The following ACVR2B variants were observed in gnomAD, a reference collection of about 807,000 sequenced individuals.
ACVR2B encodes activin receptor type-2B.
ACVR2B carries 18 observed loss-of-function variants against 65.1 expected under a neutral mutation model. That is an observed-to-expected ratio of 0.28 (90% CI 0.19 to 0.41). The LOEUF is 0.41. ACVR2B is among the 10% of genes least tolerant of loss of function. The pLI is 1.00. For missense variants in ACVR2B, 482 were observed against 682.7 expected (o/e 0.71, Z 3.28); for synonymous variants, 298 against 277.7 (o/e 1.07, Z -0.73).
chr3:38,482,135 A>T, intron 8 of ACVR2B, 63 bp from the exon 9 acceptor site: 1 of 1,610,240 alleles, frequency 6.2e-7, no homozygotes, highest in Non-Finnish European at 8.5e-7. Flanking sequence ...TGTAACTCCC[A>T]TGTCCCAGCT....
rs746700272 is a variant in ACVR2B, at chr3:38,478,556, CCA to C, written c.666+40_666+41del. 15 of 1,613,660 alleles carry C rather than the reference CCA, an allele frequency of 9.3e-6. No individual in the cohort carries two copies. The East Asian group carries it at 2.9e-4, about 31-fold the overall frequency. On this transcript the variant is annotated intron_variant, in intron 5 of 10. Transcript: ENST00000352511. ...GGGGCTCCATCCAGGTCCTCTGCCT[CCA>C]CTGTAGCTTGAACTGGAGGCTCTCC...
intron 8 of ACVR2B, 85 bp from the exon 9 acceptor site, chr3:38,482,113 G>C: frequency 6.3e-7 from 1 of 1,592,148 alleles, no homozygotes; most frequent in South Asian, 1.1e-5. Context: ...CCGCCATCTG[G>C]TGCACAGAGG....
rs1710195312 is a variant in ACVR2B at position 38,490,660 on chromosome 3, C to G, written c.*7328C>G. 1 of 152,558 alleles carries G rather than the reference C, an allele frequency of 6.6e-6. No individual in the cohort carries two copies. Among genetic ancestry groups the G allele is most frequent in the African/African-American group, 2.4e-5 (1 of 41,424 alleles). 9.5% of individuals were successfully genotyped at this position (152,558 alleles called of 1,614,324 possible). Reference sequence around the variant, plus strand: ...CCAGCCCTAATTTCTGGATGCACTTCTGTGATCCAGGTATTTTAAGAACCA... The same window carrying G: ...CCAGCCCTAATTTCTGGATGCACTTGTGTGATCCAGGTATTTTAAGAACCA... On this transcript the variant is annotated 3_prime_UTR_variant, in exon 11 of 11. Transcript: ENST00000352511.
rs1269240824 is a variant in ACVR2B, at chr3:38,483,264, G to A, written c.1471G>A (p.Asp491Asn). Residue 491 changes from aspartate (D) to asparagine (N), a missense_variant, in exon 11 of 11, where the codon GAC becomes AAC. Asp to Asn is a conservative substitution (Grantham distance 23). Around this residue, in one of 5 missense-constraint regions of ACVR2B, gnomAD observed 38 missense variants for 29.3 expected, o/e 1.30. Coordinates refer to ENST00000352511, the MANE Select transcript of ACVR2B (RefSeq NM_001106.4). This position sits in a 1 kb window ranked among gnomAD's most constrained non-coding sequence, Gnocchi z 4.8. ...GAGGTCGGTCAACGGCACTACCTCG[G>A]ACTGTCTCGTTTCCCTGGTGACCTC... ...IRRSVNGTTS[D>N]CLVSLVTSVT... 6.2e-7 allele frequency: 1 copy of A among 1,614,056 alleles called. No individual in the cohort carries two copies. Among genetic ancestry groups the A allele is most frequent in the East Asian group, 2.2e-5 (1 of 44,868 alleles).
intron 1 of ACVR2B, among the ~76,000 whole-genome samples, chr3:38,470,775 T>G (rs1467017298): frequency 6.6e-6 from 1 of 152,226 alleles, no homozygotes; most frequent in Non-Finnish European, 1.5e-5. Context: ...GATGTTGATT[T>G]AGGCTTTTAG....
intron 1 of ACVR2B, among the ~76,000 whole-genome samples, chr3:38,462,584 C>T (rs1559646849): frequency 6.6e-6 from 1 of 152,234 alleles, no homozygotes; most frequent in African/African-American, 2.4e-5. Flanking sequence ...ATGTTTGTGA[C>T]TTTAAGCTAT....
chr3:38,464,483 C>G (rs1277294778), intron 1 of ACVR2B, among the ~76,000 whole-genome samples: 1 of 152,194 alleles, frequency 6.6e-6, no homozygotes, highest in Non-Finnish European at 1.5e-5. Context: ...TAAAACTTCT[C>G]TGGTTGAAGG....
intron 1 of ACVR2B, among the ~76,000 whole-genome samples, chr3:38,455,161 G>T (rs954693301): frequency 3.3e-5 from 5 of 152,166 alleles, no homozygotes; most frequent in South Asian, 4.1e-4. Flanking sequence ...TTGGGGGTAT[G>T]TGGGCGCGGG....
Position 38,478,301 on chromosome 3 carries a change from G to A in ACVR2B, c.522+9G>A. ...ATGTGGACATCCATGAGGTGAGACAGTGCTGGCTTGGGGCAGGGCAGGATA... is the reference window on the plus strand; with the variant it reads ...ATGTGGACATCCATGAGGTGAGACAATGCTGGCTTGGGGCAGGGCAGGATA... On this transcript the variant is annotated intron_variant, in intron 4 of 10. Transcript: ENST00000352511. 1 of 1,614,068 alleles carries A rather than the reference G, an allele frequency of 6.2e-7. No individual in the cohort carries two copies. The highest frequency in any genetic ancestry group is 8.5e-7 in the Non-Finnish European group (1 of 1,180,018).
intron 1 of ACVR2B, among the ~76,000 whole-genome samples, chr3:38,455,997 A>G (rs922064089): frequency 4.6e-5 from 7 of 152,104 alleles, no homozygotes; most frequent in African/African-American, 1.7e-4. Context: ...GGACAGCTTG[A>G]GACCTGGGAT....
chr3:38,456,937 T>A (rs531638786), intron 1 of ACVR2B, among the ~76,000 whole-genome samples: 1 of 152,238 alleles, frequency 6.6e-6, no homozygotes, highest in South Asian at 2.1e-4. Context: ...CCTGGCACAG[T>A]GGCTCATGCC....
At chr3:38,454,506 C>A in intron 1 of ACVR2B, 132 bp downstream of exon 1, 1 of 837,028 alleles carries the variant, frequency 1.2e-6, no homozygotes, top group Non-Finnish European at 1.6e-6. Context: ...CCCTCACCTC[C>A]GGGGGCGTGG....
At chr3:38,479,920 C>A (rs1162743063) in intron 7 of ACVR2B, 94 bp downstream of exon 7, 1 of 1,475,492 alleles carries the variant, frequency 6.8e-7, no homozygotes, top group African/African-American at 1.4e-5. Flanking sequence ...TCTCAACTTC[C>A]TAAACATACT....
At position 38,478,133 on chromosome 3, in the gene ACVR2B, T is replaced by C. The variant is rs765400502; in HGVS notation, c.371-8T>C. 3.7e-6 allele frequency: 6 copies of C among 1,610,980 alleles called. No individual in the cohort carries two copies. The Admixed American group carries it at 8.3e-5, about 22-fold the overall frequency. On this transcript the variant is annotated splice_polypyrimidine_tract_variant and splice_region_variant and intron_variant, in intron 3 of 10. Transcript: ENST00000352511. ...ACTGTTTGACACAGGGCTCTGTGTG[T>C]CCCCCAGTCACGTACGAGCCACCCC...
In ACVR2B at chr3:38,454,374, G is replaced by T; in HGVS notation, c.52G>T (p.Gly18Cys). Residue 18 changes from glycine (G) to cysteine (C), a missense_variant and splice_region_variant, in exon 1 of 11, where the codon GGC becomes TGC. Transcript: ENST00000352511. The stretch of plus-strand genomic sequence containing the variant: ...CCTCCTCTGGGGATCGCTGTGCGCC[G>T]GTAAGAACTGGGCGCGGCGCGGGGA... ...LALLWGSLCA[G>C]SGRGEAETRE... 7.9e-7 allele frequency: 1 copy of T among 1,265,234 alleles called. No individual in the cohort carries two copies. Among genetic ancestry groups the T allele is most frequent in the Middle Eastern group, 3.0e-4 (1 of 3,338 alleles). The allele number at this position is 1,265,234 out of a possible 1,614,324, so 78.4% of individuals were successfully genotyped here. A position where few individuals can be genotyped will look rare whatever the true frequency, so the allele number is the denominator to read the frequency against.
intron 1 of ACVR2B, among the ~76,000 whole-genome samples, chr3:38,457,086 C>T (rs1709562585): frequency 6.6e-6 from 1 of 152,116 alleles, no homozygotes; most frequent in African/African-American, 2.4e-5. Flanking sequence ...CGCCTGTAGT[C>T]CCAGCTGCGC....
chr3:38,490,331 A>C lies in ACVR2B; in HGVS notation c.*6999A>C, dbSNP rs1204797854. Reference sequence around the variant, plus strand: ...TGGACGGGATAGTTTTATCAAGAGAATCCCTAATGTGTCATTTTAAACCAG... The same window carrying C: ...TGGACGGGATAGTTTTATCAAGAGACTCCCTAATGTGTCATTTTAAACCAG... On this transcript the variant is annotated 3_prime_UTR_variant, in exon 11 of 11. Transcript: ENST00000352511. 1 of 152,494 alleles carries C rather than the reference A, an allele frequency of 6.6e-6. No individual in the cohort carries two copies. Among genetic ancestry groups the C allele is most frequent in the Non-Finnish European group, 1.5e-5 (1 of 68,036 alleles). The allele number at this position is 152,494 out of a possible 1,614,324, so 9.4% of individuals were successfully genotyped here.
intron 1 of ACVR2B, among the ~76,000 whole-genome samples, chr3:38,457,221 A>C (rs1297549565): frequency 1.3e-5 from 2 of 152,098 alleles, no homozygotes; most frequent in African/African-American, 2.4e-5. Flanking sequence ...AGTATATTTC[A>C]CTGAATTTGA....
intron 4 of ACVR2B, 26 bp downstream of exon 4, chr3:38,478,318 G>A: frequency 1.2e-6 from 2 of 1,614,146 alleles, no homozygotes; most frequent in Non-Finnish European, 1.7e-6. Context: ...CTTGGGGCAG[G>A]GCAGGATAGA....
Sources: allele counts gnomAD v4.1 joint callset (sites outside exome capture counted in the v4.1 genomes callset), GRCh38; gene constraint gnomAD v4.1.1; regional missense constraint gnomAD v4.1.1; non-coding constraint Gnocchi (gnomAD v3.1); transcripts MANE v1.5; gene names NCBI Gene and HGNC (gene_info 2026-07-23, HGNC 2026-07-21).